The following RNFT2 variants were observed in gnomAD, a reference collection of about 807,000 sequenced individuals.
RNFT2 encodes the protein E3 ubiquitin-protein ligase RNFT2.
RNFT2 carries 36 observed loss-of-function variants against 53.0 expected under a neutral mutation model. The ratio of observed to expected loss-of-function variants is 0.68; its 90% CI spans 0.52 to 0.90. The LOEUF is 0.90. Among genes scored for constraint, RNFT2 ranks in the 40% least tolerant of loss-of-function variants. The pLI is 0.00. For missense variants in RNFT2, 514 were observed against 585.6 expected, an observed-to-expected ratio of 0.88 and a Z score of 1.26; for synonymous variants, 260 against 253.2, an observed-to-expected ratio of 1.03 and a Z score of -0.26.
At chr12:116,812,873 AAG>A in intron 7 of RNFT2, among the ~76,000 whole-genome samples, 1 of 151,954 alleles carries the variant, frequency 6.6e-6, no homozygotes, top group East Asian at 2.0e-4. Context: ...CCATCGTTCC[AAG>A]AGTTTCAGTA....
intron 7 of RNFT2, among the ~76,000 whole-genome samples, chr12:116,788,975 TG>T (rs1874072869): frequency 1.5e-5 from 2 of 136,532 alleles, no homozygotes; most frequent in African/African-American, 2.9e-5. Flanking sequence ...GATGGATGGA[TG>T]GATGGATGGG....
chr12:116,787,904 CA>C (rs1404859491), intron 7 of RNFT2, among the ~76,000 whole-genome samples: 1 of 152,036 alleles, frequency 6.6e-6, no homozygotes, highest in African/African-American at 2.4e-5. Flanking sequence ...TCCAGACAGA[CA>C]GACCCTACCT....
intron 10 of RNFT2, among the ~76,000 whole-genome samples, chr12:116,845,527 A>T (rs1592994284): frequency 6.6e-6 from 1 of 152,254 alleles, no homozygotes; most frequent in East Asian, 1.9e-4. Context: ...GTCAAGATGG[A>T]GAAAGGGCAT....
intron 7 of RNFT2, among the ~76,000 whole-genome samples, chr12:116,831,339 G>A (rs1315994990): frequency 6.6e-6 from 1 of 152,192 alleles, no homozygotes; most frequent in African/African-American, 2.4e-5. Flanking sequence ...AGGACATCAT[G>A]TCAGAGGGTT....
chr12:116,769,003 T>C (rs1256124830), intron 6 of RNFT2, among the ~76,000 whole-genome samples: 2 of 152,100 alleles, frequency 1.3e-5, no homozygotes, highest in African/African-American at 4.8e-5. Context: ...AGTGCTGAGA[T>C]TGCAGGCGTG....
intron 7 of RNFT2, among the ~76,000 whole-genome samples, chr12:116,780,684 A>G (rs1592954116): frequency 1.4e-5 from 2 of 145,286 alleles, no homozygotes; most frequent in African/African-American, 5.6e-5. Context: ...AAAAAAAAAA[A>G]GAGATGTGGA....
intron 7 of RNFT2, among the ~76,000 whole-genome samples, chr12:116,806,542 C>T (rs951369963): frequency 2.0e-5 from 3 of 151,458 alleles, no homozygotes; most frequent in Non-Finnish European, 2.9e-5. Flanking sequence ...GCCAGGAGTT[C>T]GAGACCAAGC....
chr12:116,800,711 G>T (rs531780398), intron 7 of RNFT2, among the ~76,000 whole-genome samples: 1 of 152,006 alleles, frequency 6.6e-6, no homozygotes, highest in East Asian at 1.9e-4. Flanking sequence ...CTACTCAGGG[G>T]GCTGAGGCAA....
At chr12:116,832,531 C>T (rs1876728742) in intron 7 of RNFT2, among the ~76,000 whole-genome samples, 1 of 152,142 alleles carries the variant, frequency 6.6e-6, no homozygotes, top group South Asian at 2.1e-4. Flanking sequence ...AGGACATTGG[C>T]ATACATGTGG....
chr12:116,744,827 C>T (rs1053195417), intron 3 of RNFT2, among the ~76,000 whole-genome samples: 2 of 152,070 alleles, frequency 1.3e-5, no homozygotes, highest in Non-Finnish European at 2.9e-5. Flanking sequence ...ACTGGAGGCC[C>T]CTGAGCCCAG....
At chr12:116,789,801 G>C (rs1874139718) in intron 7 of RNFT2, among the ~76,000 whole-genome samples, 1 of 148,308 alleles carries the variant, frequency 6.7e-6, no homozygotes, top group Admixed American at 6.7e-5. Context: ...GAGAGTGGAT[G>C]GGTAAATGGA....
intron 7 of RNFT2, among the ~76,000 whole-genome samples, chr12:116,797,289 G>A: frequency 6.6e-6 from 1 of 152,334 alleles, no homozygotes; most frequent in Admixed American, 6.5e-5. Context: ...GCCAGGCTCT[G>A]TGGGTCATTC....
intron 7 of RNFT2, among the ~76,000 whole-genome samples, chr12:116,827,295 C>T (rs1323911145): frequency 4.0e-5 from 6 of 151,618 alleles, no homozygotes; most frequent in Admixed American, 2.0e-4. Context: ...AACAGGAGCA[C>T]CTGATTCAAT....
chr12:116,809,409 T>G (rs911056414), intron 7 of RNFT2, among the ~76,000 whole-genome samples: 10 of 152,176 alleles, frequency 6.6e-5, no homozygotes, highest in African/African-American at 2.4e-4. Flanking sequence ...AGCGCTTCTT[T>G]GAAGTCCGAG....
chr12:116,770,645 C>T (rs1264230196), intron 6 of RNFT2, among the ~76,000 whole-genome samples: 5 of 152,004 alleles, frequency 3.3e-5, no homozygotes, highest in African/African-American at 1.2e-4. Context: ...GAAACCTTGA[C>T]CTCCCAGCCT....
At position 116,743,235 on chromosome 12, in the gene RNFT2, A is replaced by AAAAAAAAAAAAAAAAAAAAAAAAAAAT. The variant is rs1871717011; in HGVS notation, c.83+2150_83+2151insAAAAAAAAAAAAAAAAATAAAAAAAAA. On this transcript the variant is annotated intron_variant, in intron 3 of 10. Coordinates refer to ENST00000257575, the MANE Select transcript of RNFT2 (RefSeq NM_001382266.1). Reference sequence around the variant, plus strand: ...ATCTAAAAAAAAAAAAAAAAAAAAAAAAAAAAAAACCGGTTAAAAAACACT... The same window carrying AAAAAAAAAAAAAAAAAAAAAAAAAAAT: ...ATCTAAAAAAAAAAAAAAAAAAAAAAAAAAAAAAAAAAAAAAAAAAAAAAAATAAAAAAAAACCGGTTAAAAAACACT... 2.6e-5 allele frequency among the ~76,000 whole-genome samples: 3 copies of AAAAAAAAAAAAAAAAAAAAAAAAAAAT among 115,012 alleles called. 1 individual carries two copies. The highest frequency in any genetic ancestry group is 5.5e-4 in the South Asian group (2 of 3,664). The allele number at this position is 115,012 out of a possible 152,430, so 75.5% of individuals were successfully genotyped here. A position where few individuals can be genotyped will look rare whatever the true frequency, so the allele number is the denominator to read the frequency against.
chr12:116,742,272 T>C (rs1204048353), intron 3 of RNFT2, among the ~76,000 whole-genome samples: 2 of 149,232 alleles, frequency 1.3e-5, no homozygotes, highest in East Asian at 1.9e-4. Context: ...TTTCTTTTTT[T>C]TTTTTTTTTT....
intron 10 of RNFT2, among the ~76,000 whole-genome samples, chr12:116,848,367 G>A (rs1281313679): frequency 6.6e-6 from 1 of 152,120 alleles, no homozygotes; most frequent in Non-Finnish European, 1.5e-5. Context: ...TGACCCTTGT[G>A]TTCTATTCTC....
chr12:116,851,654 C>T lies in RNFT2; in HGVS notation c.*2206C>T, dbSNP rs761515433. ...ACTCAGGAGGCTAAGGCAGGGAGAA[C>T]TGCTTGAACTCGGGAGGTGAAAGTT... On this transcript the variant is annotated 3_prime_UTR_variant, in exon 11 of 11. Coordinates refer to ENST00000257575, the MANE Select transcript of RNFT2 (RefSeq NM_001382266.1). 9.6e-6 allele frequency: 6 copies of T among 627,490 alleles called. No homozygotes were observed. The South Asian group carries it at 9.6e-5, about 10-fold the overall frequency. The allele number at this position is 627,490 out of a possible 1,614,324, so 38.9% of individuals were successfully genotyped here.
Sources: allele counts gnomAD v4.1 joint callset (sites outside exome capture counted in the v4.1 genomes callset), GRCh38; gene constraint gnomAD v4.1.1; transcripts MANE v1.5; gene names NCBI Gene and HGNC (gene_info 2026-07-23, HGNC 2026-07-21).